NTNG1: variants seen among roughly 807,000 people sequenced by gnomAD.
The protein encoded by NTNG1 is netrin-G1.
NTNG1 carries 16 observed loss-of-function variants against 54.0 expected under a neutral mutation model. The observed-to-expected ratio is 0.30, with a 90% CI of 0.20 to 0.45. NTNG1 has a LOEUF of 0.45. Ranked by LOEUF, NTNG1 falls within the 20% of genes least tolerant of loss-of-function variation. The probability of loss-of-function intolerance (pLI) is 1.00; values close to 1 mark genes in which losing one functional copy is unlikely to be tolerated. For synonymous variants in NTNG1, 255 were observed against 263.1 expected (o/e 0.97, Z 0.30); for missense variants, 530 against 678.7 (o/e 0.78, Z 2.43).
chr1:107,259,092 G>A lies in NTNG1; in HGVS notation c.247-65190G>A, dbSNP rs78853554. On this transcript the variant is annotated intron_variant, in intron 2 of 7. Transcript: ENST00000370068. ...GAAAGTAAATTATTAGAAAATGCTG[G>A]CTTAAGAAATACACTGTAAAAATGG... 2.8e-3 allele frequency among the ~76,000 whole-genome samples: 430 copies of A among 152,184 alleles called. 16 individuals are homozygous for A. The East Asian group carries it at 0.072, about 26-fold the overall frequency.
chr1:107,292,713 G>T (rs1665694068), intron 2 of NTNG1, among the ~76,000 whole-genome samples: 1 of 152,022 alleles, frequency 6.6e-6, no homozygotes, highest in Non-Finnish European at 1.5e-5. Context: ...TAAACACACT[G>T]CACATGCTCA....
chr1:107,274,573 G>A (rs1664346048), intron 2 of NTNG1, among the ~76,000 whole-genome samples: 1 of 152,162 alleles, frequency 6.6e-6, no homozygotes, highest in South Asian at 2.1e-4. Flanking sequence ...GCCAGTATAA[G>A]GGATTTGGGG....
intron 2 of NTNG1, among the ~76,000 whole-genome samples, chr1:107,175,886 T>G (rs1656608756): frequency 6.6e-6 from 1 of 152,200 alleles, no homozygotes; most frequent in African/African-American, 2.4e-5. Context: ...CTTTGTCAGT[T>G]GATTATGTCT....
At chr1:107,215,600 G>A (rs572168690) in intron 2 of NTNG1, among the ~76,000 whole-genome samples, 13 of 151,952 alleles carry the variant, frequency 8.6e-5, no homozygotes, top group Non-Finnish European at 1.6e-4. Flanking sequence ...GCTTAGTCTC[G>A]CTTTGGCCAT....
chr1:107,381,786 G>A (rs1159801704), intron 3 of NTNG1, among the ~76,000 whole-genome samples: 1 of 152,190 alleles, frequency 6.6e-6, no homozygotes, highest in African/African-American at 2.4e-5. Flanking sequence ...TGGATCATGG[G>A]CTACATAAAG....
At chr1:107,225,808 G>T (rs1293121060) in intron 2 of NTNG1, among the ~76,000 whole-genome samples, 2 of 152,062 alleles carry the variant, frequency 1.3e-5, no homozygotes, top group Admixed American at 1.3e-4. Flanking sequence ...ATATAGAAAT[G>T]AATAACCCAG....
chr1:107,213,790 G>A (rs927144403), intron 2 of NTNG1, among the ~76,000 whole-genome samples: 3 of 152,092 alleles, frequency 2.0e-5, no homozygotes, highest in South Asian at 4.2e-4. Context: ...AAAAGAGTCC[G>A]CCTGTGATTA....
At chr1:107,200,106 C>G (rs955621725) in intron 2 of NTNG1, among the ~76,000 whole-genome samples, 2 of 151,808 alleles carry the variant, frequency 1.3e-5, no homozygotes, top group African/African-American at 4.8e-5. Context: ...ATGCCAGATT[C>G]TTGGATACTG....
rs563401740 is a variant in NTNG1 at position 107,311,257 on chromosome 1, C to T, written c.247-13025C>T. On this transcript the variant is annotated intron_variant, in intron 2 of 7. Transcript: ENST00000370068. ...ATTGCTCAAGAACAAATACATTCTTCATGTTCAGCTCCTCCTGAGAACGCA... is the reference window on the plus strand; with the variant it reads ...ATTGCTCAAGAACAAATACATTCTTTATGTTCAGCTCCTCCTGAGAACGCA... 3.3e-5 allele frequency among the ~76,000 whole-genome samples: 5 copies of T among 152,250 alleles called. No homozygotes were observed. The South Asian group carries it at 1.0e-3, about 32-fold the overall frequency.
chr1:107,300,808 GACTT>G (rs1666270606), intron 2 of NTNG1, among the ~76,000 whole-genome samples: 1 of 152,092 alleles, frequency 6.6e-6, no homozygotes, highest in South Asian at 2.1e-4. Flanking sequence ...AACATTTTAA[GACTT>G]AGTAACTAAT....
chr1:107,462,517 A>T (rs533383859), intron 7 of NTNG1, among the ~76,000 whole-genome samples: 32 of 152,310 alleles, frequency 2.1e-4, no homozygotes, highest in African/African-American at 6.5e-4. Context: ...CAATAAATAG[A>T]TGTTCGCTTT....
At chr1:107,190,588 C>A (rs1055075573) in intron 2 of NTNG1, among the ~76,000 whole-genome samples, 1 of 152,166 alleles carries the variant, frequency 6.6e-6, no homozygotes, top group African/African-American at 2.4e-5. Flanking sequence ...CCCCCCACCC[C>A]ATAACAGGCC....
At chr1:107,421,830 G>A (rs1331716516) in intron 5 of NTNG1, among the ~76,000 whole-genome samples, 2 of 151,986 alleles carry the variant, frequency 1.3e-5, no homozygotes, top group African/African-American at 4.8e-5. Context: ...CTGTGTAACA[G>A]GTGTGTCTTG....
chr1:107,185,670 G>A (rs1289060384), intron 2 of NTNG1, among the ~76,000 whole-genome samples: 10 of 152,258 alleles, frequency 6.6e-5, no homozygotes, highest in Non-Finnish European at 5.9e-5. Context: ...AGCCTTGAAA[G>A]TTACGTAGCA....
intron 2 of NTNG1, among the ~76,000 whole-genome samples, chr1:107,154,490 G>C (rs907036246): frequency 6.6e-6 from 1 of 150,832 alleles, no homozygotes; most frequent in African/African-American, 2.4e-5. Flanking sequence ...CAGCTACTTG[G>C]GAGGCTGAGG....
chr1:107,448,009 G>A (rs1339280878), intron 7 of NTNG1, among the ~76,000 whole-genome samples: 1 of 152,080 alleles, frequency 6.6e-6, no homozygotes, highest in Non-Finnish European at 1.5e-5. Flanking sequence ...TTTGGCACTA[G>A]AAGATAAATG....
intron 7 of NTNG1, among the ~76,000 whole-genome samples, chr1:107,460,136 C>G (rs575891030): frequency 6.6e-6 from 1 of 152,120 alleles, no homozygotes; most frequent in Non-Finnish European, 1.5e-5. Flanking sequence ...AGCTAAGGCC[C>G]GTTTCCTCAA....
rs1654301108 is a variant in NTNG1, at chr1:107,148,460, T to A, written c.-134T>A. The A allele has an allele frequency of 1.0e-5, 8 of 776,252 alleles. No individual in the cohort carries two copies. The highest frequency in any genetic ancestry group is 2.5e-5 in the Admixed American group (1 of 39,698). 48.1% of individuals were successfully genotyped at this position (776,252 alleles called of 1,614,324 possible). A position where few individuals can be genotyped will look rare whatever the true frequency, so the allele number is the denominator to read the frequency against. ...TCTGCTTTGAGGTCCCATCTTCATT[T>A]AAAAAAAAATACAGAGACCTACCTA... On this transcript the variant is annotated 5_prime_UTR_variant, in exon 2 of 8. Coordinates refer to ENST00000370068, the MANE Select transcript of NTNG1 (RefSeq NM_001113226.3).
intron 2 of NTNG1, among the ~76,000 whole-genome samples, chr1:107,170,002 A>G (rs561455941): frequency 1.2e-4 from 18 of 152,290 alleles, no homozygotes; most frequent in Admixed American, 3.9e-4. Flanking sequence ...AAACATTTCA[A>G]TTGATTGAAT....
Sources: allele counts gnomAD v4.1 joint callset (sites outside exome capture counted in the v4.1 genomes callset), GRCh38; gene constraint gnomAD v4.1.1; transcripts MANE v1.5; gene names NCBI Gene and HGNC (gene_info 2026-07-23, HGNC 2026-07-21).